ZNF385D: variants seen among roughly 807,000 people sequenced by gnomAD.
The protein encoded by ZNF385D is zinc finger protein 385D.
ZNF385D carries 15 observed loss-of-function variants against 35.8 expected under a neutral mutation model. That is an observed-to-expected ratio of 0.42 (90% CI 0.28 to 0.64). The LOEUF (loss-of-function observed/expected upper bound fraction) is 0.64. Ranked by LOEUF, ZNF385D falls within the 30% of genes least tolerant of loss-of-function variation. ZNF385D has a pLI of 0.23. For synonymous variants in ZNF385D, 212 were observed against 186.8 expected, an observed-to-expected ratio of 1.13 and a Z score of -1.10; for missense variants, 474 against 494.6, an observed-to-expected ratio of 0.96 and a Z score of 0.39.
At chr3:21,519,127 A>AG (rs1444894668) in intron 3 of ZNF385D, among the ~76,000 whole-genome samples, 4 of 152,054 alleles carry the variant, frequency 2.6e-5, no homozygotes, top group Non-Finnish European at 4.4e-5. Context: ...ATAGAAAAAA[A>AG]GGGGGGGAAA....
intron 1 of ZNF385D, among the ~76,000 whole-genome samples, chr3:21,683,387 G>A (rs952103828): frequency 6.7e-6 from 1 of 149,800 alleles, no homozygotes; most frequent in African/African-American, 2.5e-5. Flanking sequence ...GGGAGGCCGA[G>A]TTGGGTGGAT....
chr3:21,600,311 C>A (rs929615528), intron 2 of ZNF385D, among the ~76,000 whole-genome samples: 6 of 152,114 alleles, frequency 3.9e-5, no homozygotes, highest in South Asian at 4.1e-4. Context: ...GCACGAGATC[C>A]AAGAACCCTC....
chr3:22,088,579 G>C (rs1259877612), intron 3 of ZNF385D, among the ~76,000 whole-genome samples: 1 of 152,198 alleles, frequency 6.6e-6, no homozygotes, highest in African/African-American at 2.4e-5. Flanking sequence ...ACACCAACCA[G>C]AAGAGATCTA....
At chr3:22,137,921 C>T (rs1188971141) in intron 3 of ZNF385D, among the ~76,000 whole-genome samples, 1 of 151,966 alleles carries the variant, frequency 6.6e-6, no homozygotes, top group African/African-American at 2.4e-5. Context: ...CTAGAAAACC[C>T]CATCGTCTCA....
At chr3:21,712,054 A>T (rs1186336150) in intron 1 of ZNF385D, among the ~76,000 whole-genome samples, 2 of 152,086 alleles carry the variant, frequency 1.3e-5, no homozygotes. Context: ...TAAAAGGTGT[A>T]CCCCACCATT....
Position 21,806,668 on chromosome 3 carries a change from A to G in ZNF385D, c.326-141640T>C, listed in dbSNP as rs140318765. Among the ~76,000 whole-genome samples the G allele has an allele frequency of 4.5e-3, 693 of 152,322 alleles. 4 individuals are homozygous for G. The highest frequency in any genetic ancestry group is 7.7e-3 in the Non-Finnish European group (521 of 68,028). On this transcript the variant is annotated intron_variant, in intron 3 of 5. Transcript: ENST00000494108. ...GATTTTGTTGCCAGTACAAGAAAAC[A>G]TATGTTATATAGTAATAAAATTTAG...
At chr3:21,549,055 C>T (rs1159004753) in intron 3 of ZNF385D, among the ~76,000 whole-genome samples, 1 of 152,146 alleles carries the variant, frequency 6.6e-6, no homozygotes, top group Non-Finnish European at 1.5e-5. Context: ...AATGTATCTA[C>T]TGGTCACATG....
chr3:21,536,341 A>T (rs2062035718), intron 3 of ZNF385D, among the ~76,000 whole-genome samples: 1 of 152,122 alleles, frequency 6.6e-6, no homozygotes, highest in African/African-American at 2.4e-5. Flanking sequence ...AGTTCACAGG[A>T]AGAAGACCAC....
intron 3 of ZNF385D, among the ~76,000 whole-genome samples, chr3:22,044,175 C>A (rs546437706): frequency 6.7e-6 from 1 of 150,278 alleles, no homozygotes; most frequent in Admixed American, 6.7e-5. Context: ...TGGATAGTCA[C>A]AAAAGTACTC....
intron 2 of ZNF385D, among the ~76,000 whole-genome samples, chr3:21,574,747 G>A (rs1248051918): frequency 6.6e-6 from 1 of 151,924 alleles, no homozygotes; most frequent in Non-Finnish European, 1.5e-5. Context: ...CTAAGTGATG[G>A]ATTTTTAGAT....
intron 2 of ZNF385D, among the ~76,000 whole-genome samples, chr3:22,224,501 T>C (rs1698441222): frequency 6.6e-6 from 1 of 152,188 alleles, no homozygotes; most frequent in Non-Finnish European, 1.5e-5. Flanking sequence ...CCTGAAGGCA[T>C]GGTAGACAAC....
At chr3:22,201,316 G>C (rs970182649) in intron 2 of ZNF385D, among the ~76,000 whole-genome samples, 2 of 151,984 alleles carry the variant, frequency 1.3e-5, no homozygotes, top group Non-Finnish European at 2.9e-5. Flanking sequence ...TCAACTGAGA[G>C]AAAATTAAAT....
chr3:22,313,549 A>T (rs1475659740), intron 2 of ZNF385D, among the ~76,000 whole-genome samples: 5 of 151,004 alleles, frequency 3.3e-5, no homozygotes, highest in South Asian at 2.1e-4. Context: ...ACATGTTTTT[A>T]AAAAAGATAT....
intron 3 of ZNF385D, among the ~76,000 whole-genome samples, chr3:22,042,954 G>A (rs9879698): frequency 0.016 from 2,397 of 152,158 alleles, 68 homozygotes; most frequent in African/African-American, 0.055. Context: ...TCTCAACTAG[G>A]ATCAGTTGTA....
intron 3 of ZNF385D, among the ~76,000 whole-genome samples, chr3:21,800,312 G>C (rs1013757263): frequency 6.6e-6 from 1 of 152,144 alleles, no homozygotes; most frequent in African/African-American, 2.4e-5. Context: ...GGATGGCATT[G>C]AATCTTTAGA....
At chr3:22,142,023 A>G (rs1413306996) in intron 3 of ZNF385D, among the ~76,000 whole-genome samples, 1 of 152,242 alleles carries the variant, frequency 6.6e-6, no homozygotes, top group Non-Finnish European at 1.5e-5. Flanking sequence ...ACAGTTAGAA[A>G]GCATCATCAG....
chr3:22,250,200 T>C (rs1342388821), intron 2 of ZNF385D, among the ~76,000 whole-genome samples: 1 of 152,162 alleles, frequency 6.6e-6, no homozygotes, highest in Non-Finnish European at 1.5e-5. Flanking sequence ...TAAGATACAA[T>C]TTAAAAATCT....
At chr3:21,651,251 G>C (rs1408617961) in intron 2 of ZNF385D, among the ~76,000 whole-genome samples, 2 of 116,294 alleles carry the variant, frequency 1.7e-5, no homozygotes, top group African/African-American at 6.7e-5. Context: ...TCGTGCCACC[G>C]CACTCCAGCC....
intron 1 of ZNF385D, among the ~76,000 whole-genome samples, chr3:21,749,634 T>C (rs1425328201): frequency 2.0e-5 from 3 of 152,216 alleles, no homozygotes; most frequent in Admixed American, 2.0e-4. Context: ...TGCTTAAATT[T>C]GGCAATGCAA....
Sources: gnomAD v4.1 joint callset for allele counts (sites outside exome capture counted in the v4.1 genomes callset) on GRCh38, gnomAD v4.1.1 for gene constraint, MANE v1.5 for transcripts, NCBI Gene and HGNC (gene_info 2026-07-23, HGNC 2026-07-21) for gene names.